The following CCR3 variants were observed in gnomAD, a reference collection of about 807,000 sequenced individuals.
The protein encoded by CCR3 is C-C motif chemokine receptor 3, also known as C-C chemokine receptor type 3.
For missense variants in CCR3, 419 were observed against 437.5 expected (o/e 0.96, Z 0.38); for synonymous variants, 203 against 179.2 (o/e 1.13, Z -1.06).
chr3:46,244,500 T>C lies in CCR3; in HGVS notation c.-12+1962T>C, dbSNP rs531421710. 2.1e-4 allele frequency among the ~76,000 whole-genome samples: 32 copies of C among 152,276 alleles called. No individual in the cohort carries two copies. The East Asian group carries it at 5.2e-3, about 25-fold the overall frequency. On this transcript the variant is annotated intron_variant, in intron 1 of 1. Transcript: ENST00000395940. The stretch of plus-strand genomic sequence containing the variant: ...AAGGGAGATAAGGGTGGGGCCGTTT[T>C]ATAGGATTTGGGTAGATAAAGGAAA...
rs1575515207 is a variant in CCR3, at chr3:46,265,720, C to T, written c.562C>T (p.Pro188Ser). Residue 188 changes from proline (P) to serine (S), a missense_variant, in exon 2 of 2, where the codon CCA (proline) becomes TCA (serine). By Grantham distance (74) the Pro-to-Ser change is moderately conservative. Coordinates refer to ENST00000395940, the MANE Select transcript of CCR3 (RefSeq NM_178329.3). ...AGAGACTCTTTGCAGTGCTCTTTAC[C>T]CAGAGGATACAGTATATAGCTGGAG... ...FEETLCSALY[P>S]EDTVYSWRHF... The T allele has an allele frequency of 1.9e-6, 3 of 1,613,832 alleles. No individual in the cohort carries two copies. Among genetic ancestry groups the T allele is most frequent in the East Asian group, 4.5e-5 (2 of 44,872 alleles).
intron 2 of CCR3, among the ~76,000 whole-genome samples, chr3:46,215,011 C>T (rs1309489625): frequency 6.6e-6 from 1 of 152,102 alleles, no homozygotes. Flanking sequence ...CAACTAGAAC[C>T]TGGTAGGTCT....
At chr3:46,256,806 A>G (rs1328234621) in intron 1 of CCR3, among the ~76,000 whole-genome samples, 1 of 152,174 alleles carries the variant, frequency 6.6e-6, no homozygotes, top group Non-Finnish European at 1.5e-5. Context: ...AATTCTTTGG[A>G]TGAGATCAAT....
At chr3:46,260,098 C>T (rs757288592) in intron 1 of CCR3, among the ~76,000 whole-genome samples, 4 of 152,132 alleles carry the variant, frequency 2.6e-5, no homozygotes, top group Admixed American at 6.5e-5. Flanking sequence ...CATCAGATCC[C>T]GTGAGACTCA....
upstream of CCR3, among the ~76,000 whole-genome samples, chr3:46,237,799 A>G (rs1270246010): frequency 9.2e-5 from 14 of 152,174 alleles, no homozygotes; most frequent in Admixed American, 7.2e-4. Context: ...CTGTTTTAAT[A>G]CCAACGCCAT....
chr3:46,213,596 T>C (rs1006119488), intron 2 of CCR3, among the ~76,000 whole-genome samples: 2 of 152,232 alleles, frequency 1.3e-5, no homozygotes, highest in Non-Finnish European at 2.9e-5. Context: ...CATAGCCAAG[T>C]AGTTTCTTGA....
At chr3:46,223,598 T>C (rs2125923940) in intron 2 of CCR3, among the ~76,000 whole-genome samples, 1 of 152,200 alleles carries the variant, frequency 6.6e-6, no homozygotes, top group South Asian at 2.1e-4. Context: ...TGCATGCATG[T>C]TGTGTACATG....
At position 46,257,205 on chromosome 3, in the gene CCR3, G is replaced by A. The variant is rs1195227618; in HGVS notation, c.-11-7943G>A. 3.9e-5 allele frequency among the ~76,000 whole-genome samples: 6 copies of A among 152,236 alleles called. No homozygotes were observed. In the East Asian group the frequency reaches 7.7e-4, roughly 20 times the overall value. ...GGGAAATTTCTTGTATTTTTTCCGT[G>A]TGTTTTCACTTCTAAGCTCTTCAAA... On this transcript the variant is annotated intron_variant, in intron 1 of 1. Transcript: ENST00000395940.
upstream of CCR3, among the ~76,000 whole-genome samples, chr3:46,241,026 A>C (rs569957158): frequency 6.6e-5 from 10 of 152,178 alleles, no homozygotes; most frequent in Non-Finnish European, 1.5e-4. Context: ...TTGATATTTT[A>C]TCAGGTCTCT....
chr3:46,243,008 C>CATATATATATATATATATATAT (rs1248067512), intron 1 of CCR3, among the ~76,000 whole-genome samples: 16 of 80,834 alleles, frequency 2.0e-4, no homozygotes, highest in East Asian at 3.2e-4. Flanking sequence ...TATATACGCA[C>CATATATATATATATATATATAT]ACACACATAC....
At chr3:46,245,647 T>G (rs1395507252) in intron 1 of CCR3, among the ~76,000 whole-genome samples, 2 of 152,076 alleles carry the variant, frequency 1.3e-5, no homozygotes, top group Non-Finnish European at 2.9e-5. Flanking sequence ...TTGTACAGAT[T>G]ATTTCATCAC....
intron 2 of CCR3, among the ~76,000 whole-genome samples, chr3:46,212,663 A>G (rs750598206): frequency 6.6e-6 from 1 of 151,652 alleles, no homozygotes; most frequent in Non-Finnish European, 1.5e-5. Flanking sequence ...TACAAACTCC[A>G]ACTTGACAAA....
chr3:46,239,150 G>A (rs1382680419), upstream of CCR3, among the ~76,000 whole-genome samples: 1 of 152,154 alleles, frequency 6.6e-6, no homozygotes, highest in Admixed American at 6.5e-5. Context: ...ACAAGAATCT[G>A]CCTTATTGCA....
At chr3:46,257,289 G>A (rs1700445792) in intron 1 of CCR3, among the ~76,000 whole-genome samples, 1 of 151,970 alleles carries the variant, frequency 6.6e-6, no homozygotes, top group Admixed American at 6.6e-5. Flanking sequence ...CTAAGTATAT[G>A]CTGTCCATTT....
At chr3:46,245,016 C>CA (rs1284394169) in intron 1 of CCR3, among the ~76,000 whole-genome samples, 1 of 152,108 alleles carries the variant, frequency 6.6e-6, no homozygotes, top group Admixed American at 6.5e-5. Flanking sequence ...TTCAATAATC[C>CA]AAAATCATTT....
intron 1 of CCR3, among the ~76,000 whole-genome samples, chr3:46,246,918 G>T (rs1264786236): frequency 6.6e-6 from 1 of 150,698 alleles, no homozygotes; most frequent in African/African-American, 2.5e-5. Context: ...GTGGTAAGGG[G>T]TGATATTGTG....
chr3:46,235,747 C>CCCT, intron 2 of CCR3, among the ~76,000 whole-genome samples: 1 of 152,322 alleles, frequency 6.6e-6, no homozygotes, highest in East Asian at 1.9e-4. Flanking sequence ...CCACTACGAG[C>CCCT]CCTCACCAGA....
At chr3:46,264,361 A>G in intron 1 of CCR3, 4 of 1,331,220 alleles carry the variant, frequency 3.0e-6, no homozygotes, top group Non-Finnish European at 1.0e-6. Context: ...CATGTGTAAC[A>G]GACAAAATGT....
At chr3:46,212,174 G>A (rs1291730146) in intron 2 of CCR3, among the ~76,000 whole-genome samples, 1 of 152,176 alleles carries the variant, frequency 6.6e-6, no homozygotes, top group African/African-American at 2.4e-5. Flanking sequence ...CAGGGCCCAG[G>A]CACCTCAACT....
Sources: gnomAD v4.1 joint callset for allele counts (sites outside exome capture counted in the v4.1 genomes callset) on GRCh38, gnomAD v4.1.1 for gene constraint, MANE v1.5 for transcripts, NCBI Gene and HGNC (gene_info 2026-07-23, HGNC 2026-07-21) for gene names.